The following DLG2 variants were observed in gnomAD, a reference collection of about 807,000 sequenced individuals.
The protein encoded by DLG2 is disks large homolog 2.
Under a neutral mutation model 132.5 loss-of-function variants are expected in DLG2, and 45 were observed. The ratio of observed to expected loss-of-function variants is 0.34; its 90% CI spans 0.27 to 0.44. The LOEUF (loss-of-function observed/expected upper bound fraction) is 0.44. Ranked by LOEUF, DLG2 falls within the 20% of genes least tolerant of loss-of-function variation. The pLI, the probability that DLG2 is intolerant of heterozygous loss-of-function variation, is 1.00. For missense variants in DLG2, 1,045 were observed against 1,196.9 expected (o/e 0.87, Z 1.87); for synonymous variants, 424 against 419.6 (o/e 1.01, Z -0.13).
At chr11:83,562,186 C>T (rs1189146362) in intron 19 of DLG2, among the ~76,000 whole-genome samples, 2 of 151,926 alleles carry the variant, frequency 1.3e-5, no homozygotes, top group African/African-American at 4.8e-5. Context: ...CGTGCCTGGC[C>T]TTAGTATTCC....
intron 19 of DLG2, among the ~76,000 whole-genome samples, chr11:83,600,633 TGCAGACTGGG>T (rs1456124064): frequency 6.6e-6 from 1 of 152,204 alleles, no homozygotes; most frequent in Non-Finnish European, 1.5e-5. Flanking sequence ...CAGAGAGATG[TGCAGACTGGG>T]GCCTCTGCCC....
intron 12 of DLG2, among the ~76,000 whole-genome samples, chr11:83,971,093 C>T (rs970832557): frequency 2.6e-5 from 4 of 152,108 alleles, no homozygotes; most frequent in Non-Finnish European, 5.9e-5. Context: ...GCTAGTTGCT[C>T]TTGTCATTGT....
rs144580749 is a variant in DLG2, at chr11:84,557,868, G to A, written c.358-23137C>T. 3.5e-3 allele frequency among the ~76,000 whole-genome samples: 539 copies of A among 152,050 alleles called. 1 individual carries two copies. Among genetic ancestry groups the A allele is most frequent in the Admixed American group, 8.0e-3 (122 of 15,246 alleles). ...TTCAATTTTTCTAGATATCTGTTCC[G>A]TGCTTTCTCCAATGATCTTACTACA... is the stretch of plus-strand genomic sequence containing the variant. On this transcript the variant is annotated intron_variant, in intron 6 of 27. Coordinates refer to ENST00000376104, the MANE Select transcript of DLG2 (RefSeq NM_001142699.3).
chr11:84,376,891 A>G (rs1333878016), intron 7 of DLG2, among the ~76,000 whole-genome samples: 5 of 152,040 alleles, frequency 3.3e-5, no homozygotes, highest in African/African-American at 9.6e-5. Flanking sequence ...ATAAATGTAG[A>G]TTAATGACAG....
chr11:83,636,259 T>C (rs2064814787), intron 18 of DLG2, among the ~76,000 whole-genome samples: 1 of 152,144 alleles, frequency 6.6e-6, no homozygotes, highest in Admixed American at 6.6e-5. Flanking sequence ...TCATCTTCCA[T>C]TAGACTGAGC....
intron 6 of DLG2, among the ~76,000 whole-genome samples, chr11:84,815,629 T>C (rs17147593): frequency 0.025 from 3,740 of 152,152 alleles, 171 homozygotes; most frequent in African/African-American, 0.086. Flanking sequence ...AGAGATATCC[T>C]TCATTAAGAA....
chr11:85,250,947 G>A (rs1394506397), intron 4 of DLG2, among the ~76,000 whole-genome samples: 1 of 152,188 alleles, frequency 6.6e-6, no homozygotes, highest in Admixed American at 6.6e-5. Context: ...TGTACAGGGT[G>A]TCATTGGAGT....
intron 6 of DLG2, among the ~76,000 whole-genome samples, chr11:84,770,644 T>A (rs1056435396): frequency 3.4e-5 from 2 of 59,300 alleles, no homozygotes; most frequent in Admixed American, 2.0e-4. Context: ...GATTTCATTC[T>A]TTTTTTTTTT....
At chr11:84,449,985 T>C (rs2099046892) in intron 7 of DLG2, among the ~76,000 whole-genome samples, 1 of 151,904 alleles carries the variant, frequency 6.6e-6, no homozygotes, top group Non-Finnish European at 1.5e-5. Context: ...ATGTTTTCCA[T>C]CTACCATCTT....
At chr11:83,821,846 A>T (rs1516623) in intron 17 of DLG2, among the ~76,000 whole-genome samples, 1 of 151,938 alleles carries the variant, frequency 6.6e-6, no homozygotes, top group African/African-American at 2.4e-5. Flanking sequence ...AATCATTTCC[A>T]TCAACATATA....
At chr11:85,613,539 T>C (rs903449385) in intron 2 of DLG2, among the ~76,000 whole-genome samples, 2 of 152,148 alleles carry the variant, frequency 1.3e-5, no homozygotes, top group African/African-American at 4.8e-5. Context: ...TAAAGGATTG[T>C]AAATGCACCA....
intron 18 of DLG2, among the ~76,000 whole-genome samples, chr11:83,668,702 A>AAC (rs201284900): frequency 4.9e-4 from 7 of 14,278 alleles, no homozygotes; most frequent in African/African-American, 1.4e-3. Context: ...TGTGTATATA[A>AAC]ACACATATAT....
chr11:83,676,460 G>A (rs2077707860), intron 18 of DLG2, among the ~76,000 whole-genome samples: 1 of 152,188 alleles, frequency 6.6e-6, no homozygotes, highest in South Asian at 2.1e-4. Context: ...GTCAGTTTGA[G>A]TCATCAGTTT....
intron 19 of DLG2, among the ~76,000 whole-genome samples, chr11:83,556,590 T>G (rs1223092939): frequency 6.6e-6 from 1 of 152,188 alleles, no homozygotes; most frequent in Non-Finnish European, 1.5e-5. Context: ...CAGGCTAGTC[T>G]AGAACTTTTA....
chr11:83,836,427 T>C (rs2056189773), intron 16 of DLG2, among the ~76,000 whole-genome samples: 1 of 152,050 alleles, frequency 6.6e-6, no homozygotes. Flanking sequence ...CTATAGGCCA[T>C]CCACATTCCT....
rs181917235 is a variant in DLG2 at position 85,523,983 on chromosome 11, T to G, written c.40+74674A>C. 1.7e-3 allele frequency among the ~76,000 whole-genome samples: 260 copies of G among 152,280 alleles called. 1 individual carries two copies. The highest frequency in any genetic ancestry group is 6.1e-3 in the African/African-American group (252 of 41,554). On this transcript the variant is annotated intron_variant, in intron 3 of 27. Transcript: ENST00000376104. ...ACGTAAAGTTAAATAAGCCAGGCAC[T>G]GAAAGACCACTTTGCATGTTCTCAT... is the stretch of plus-strand genomic sequence containing the variant.
intron 3 of DLG2, among the ~76,000 whole-genome samples, chr11:85,418,336 A>C (rs906533322): frequency 6.6e-6 from 1 of 152,080 alleles, no homozygotes; most frequent in African/African-American, 2.4e-5. Context: ...ATTCTTTTGC[A>C]TTTGCTTAGG....
intron 11 of DLG2, among the ~76,000 whole-genome samples, chr11:83,986,175 C>T (rs1007547837): frequency 1.8e-4 from 27 of 151,442 alleles, no homozygotes; most frequent in Non-Finnish European, 5.9e-5. Flanking sequence ...CGTCATTTAG[C>T]ATTAGGTATA....
intron 9 of DLG2, among the ~76,000 whole-genome samples, chr11:84,153,482 G>C (rs1190905372): frequency 1.3e-5 from 2 of 151,562 alleles, no homozygotes; most frequent in African/African-American, 4.9e-5. Context: ...TACCAGCATG[G>C]GTTGTAGTTT....
Sources: allele counts gnomAD v4.1 joint callset (sites outside exome capture counted in the v4.1 genomes callset), GRCh38; gene constraint gnomAD v4.1.1; transcripts MANE v1.5; gene names NCBI Gene and HGNC (gene_info 2026-07-23, HGNC 2026-07-21).